TEX11: variants seen among roughly 807,000 people sequenced by gnomAD.
TEX11 encodes the protein testis-expressed protein 11.
A neutral mutation model predicts 84.4 loss-of-function variants in TEX11; 7 were observed. The ratio of observed to expected loss-of-function variants is 0.08; its 90% CI spans 0.05 to 0.16. The LOEUF (loss-of-function observed/expected upper bound fraction) is 0.16, where lower values mean the gene tolerates loss of function less well. Ranked by LOEUF, TEX11 falls within the 10% of genes least tolerant of loss-of-function variation. TEX11 has a pLI of 1.00. For missense variants in TEX11, 551 were observed against 660.5 expected (o/e 0.83, Z 1.82); for synonymous variants, 264 against 222.8 (o/e 1.18, Z -1.64).
At position 70,857,422 on chromosome X, in the gene TEX11, A is replaced by G. The variant is rs1602187101; in HGVS notation, c.324+3435T>C. The G allele has an allele frequency of 2.0e-5, 3 of 152,155 alleles. No individual in the cohort carries two copies. The East Asian group carries it at 5.3e-4, about 27-fold the overall frequency. 12.5% of individuals were successfully genotyped at this position (152,155 alleles called of 1,213,427 possible). The stretch of plus-strand genomic sequence containing the variant: ...GCCTAGATGATGTCACATTTGAAGT[A>G]TCTCCTTCAAGTGCCACTAGTGTCA... On this transcript the variant is annotated intron_variant, in intron 5 of 29. Coordinates refer to ENST00000374333, the MANE Select transcript of TEX11 (RefSeq NM_031276.3).
chrX:70,715,089 A>C (rs1423279945), intron 13 of TEX11, among the ~76,000 whole-genome samples: 1 of 111,359 alleles, frequency 9.0e-6, no homozygotes, highest in Admixed American at 9.5e-5. Context: ...TGGGTTGAAA[A>C]TTCTTTTCTT....
chrX:70,775,795 G>A (rs771490536), intron 9 of TEX11, among the ~76,000 whole-genome samples: 220 of 10,799 alleles, frequency 0.02, 2 homozygotes, highest in Non-Finnish European at 0.038. Context: ...GCGAGACTCC[G>A]TCTCAAAAAA....
intron 18 of TEX11, among the ~76,000 whole-genome samples, chrX:70,627,751 C>A (rs1358197743): frequency 8.9e-6 from 1 of 111,928 alleles, no homozygotes; most frequent in East Asian, 2.8e-4. Context: ...CCATTCTGTC[C>A]TACATATAAT....
intron 25 of TEX11, among the ~76,000 whole-genome samples, chrX:70,570,749 A>G (rs2088583601): frequency 1.8e-5 from 2 of 111,076 alleles, no homozygotes; most frequent in African/African-American, 6.5e-5. Flanking sequence ...CTGAGAAGTA[A>G]TGGGGGGCGG....
chrX:70,593,171 G>A (rs1213911577), intron 24 of TEX11, among the ~76,000 whole-genome samples: 1 of 110,068 alleles, frequency 9.1e-6, no homozygotes, highest in African/African-American at 3.3e-5. Context: ...ATAGAAGAAG[G>A]TCATCTAGAA....
At chrX:70,729,872 T>C (rs991980494) in intron 11 of TEX11, among the ~76,000 whole-genome samples, 1 of 111,099 alleles carries the variant, frequency 9.0e-6, no homozygotes, top group Admixed American at 9.6e-5. Context: ...TTCACCAAAG[T>C]TGAAATGAAG....
chrX:70,827,213 G>T (rs936299837), intron 8 of TEX11, among the ~76,000 whole-genome samples: 2 of 110,557 alleles, frequency 1.8e-5, no homozygotes, highest in Non-Finnish European at 3.8e-5. Flanking sequence ...GTCCTGGCAG[G>T]ATTAATCACC....
chrX:70,847,708 AT>A (rs2091487017), intron 7 of TEX11, among the ~76,000 whole-genome samples: 1 of 109,858 alleles, frequency 9.1e-6, no homozygotes, highest in Non-Finnish European at 1.9e-5. Flanking sequence ...TGCCTGGCTA[AT>A]TTTTTTTCTT....
At chrX:70,519,621 G>A in the TEX11 span, among the ~76,000 whole-genome samples, 2 of 111,535 alleles carry the variant, frequency 1.8e-5, no homozygotes, top group Middle Eastern at 9.2e-3. Context: ...GAGTATCTTA[G>A]TGGTGTTCTC....
At chrX:70,699,741 A>ATCG (rs1476187113) in intron 13 of TEX11, among the ~76,000 whole-genome samples, 1 of 111,353 alleles carries the variant, frequency 9.0e-6, no homozygotes, top group East Asian at 2.8e-4. Flanking sequence ...TATGGTCATC[A>ATCG]TCATCATCAT....
chrX:70,774,761 T>C (rs1448816324), intron 9 of TEX11, among the ~76,000 whole-genome samples: 1 of 111,519 alleles, frequency 9.0e-6, no homozygotes, highest in Admixed American at 9.6e-5. Flanking sequence ...GAGTGTATAT[T>C]ATTAAAGTGA....
At chrX:70,549,886 G>A (rs1227764867) in intron 28 of TEX11, among the ~76,000 whole-genome samples, 1 of 112,475 alleles carries the variant, frequency 8.9e-6, no homozygotes, top group Non-Finnish European at 1.9e-5. Flanking sequence ...TGACTGTAGA[G>A]CCCTAAGGCA....
intron 12 of TEX11, among the ~76,000 whole-genome samples, chrX:70,723,034 A>T (rs1030526566): frequency 8.9e-6 from 1 of 111,819 alleles, no homozygotes; most frequent in Non-Finnish European, 1.9e-5. Context: ...GTATGGCCAT[A>T]GGCAAGTTAT....
At chrX:70,724,949 A>G (rs1261004790) in intron 12 of TEX11, among the ~76,000 whole-genome samples, 3 of 110,752 alleles carry the variant, frequency 2.7e-5, no homozygotes, top group African/African-American at 9.8e-5. Context: ...TTAATAGGTA[A>G]TCTTTCTTTC....
intron 28 of TEX11, among the ~76,000 whole-genome samples, chrX:70,536,742 T>C (rs1458044493): frequency 8.9e-6 from 1 of 112,504 alleles, no homozygotes; most frequent in Non-Finnish European, 1.9e-5. Context: ...TTTAAAAGTA[T>C]TTGATAAGGC....
intron 25 of TEX11, among the ~76,000 whole-genome samples, chrX:70,587,842 C>A (rs996221481): frequency 4.4e-5 from 5 of 112,469 alleles, no homozygotes; most frequent in African/African-American, 6.5e-5. Context: ...GAGGCTGTAC[C>A]CTGCAAAGCC....
chrX:70,757,606 G>A (rs1371945820), intron 9 of TEX11, among the ~76,000 whole-genome samples: 1 of 111,652 alleles, frequency 9.0e-6, no homozygotes, highest in Non-Finnish European at 1.9e-5. Context: ...TGTCTTATAA[G>A]AGCTCCTGAA....
chrX:70,843,747 C>CA (rs1271991011), intron 7 of TEX11, among the ~76,000 whole-genome samples: 1 of 111,493 alleles, frequency 9.0e-6, no homozygotes, highest in African/African-American at 3.3e-5. Flanking sequence ...ACAATGAACT[C>CA]AAACAAATTT....
intron 25 of TEX11, among the ~76,000 whole-genome samples, chrX:70,565,586 G>T (rs1360716183): frequency 2.7e-5 from 3 of 110,788 alleles, no homozygotes; most frequent in South Asian, 3.9e-4. Flanking sequence ...TTGTATAAGG[G>T]GTAAGGAAGG....
Sources: allele counts gnomAD v4.1 joint callset (sites outside exome capture counted in the v4.1 genomes callset), GRCh38; gene constraint gnomAD v4.1.1; transcripts MANE v1.5; gene names NCBI Gene and HGNC (gene_info 2026-07-23, HGNC 2026-07-21).